The following OPN5 variants were observed in gnomAD, a reference collection of about 807,000 sequenced individuals.
OPN5 encodes opsin-5.
In OPN5, 18 loss-of-function variants were observed where a neutral mutation model predicts 41.7. That is an observed-to-expected ratio of 0.43 (90% CI 0.30 to 0.64). The LOEUF (loss-of-function observed/expected upper bound fraction) is 0.64, where lower values mean the gene tolerates loss of function less well. Ranked by LOEUF, OPN5 falls within the 30% of genes least tolerant of loss-of-function variation. The pLI, the probability that OPN5 is intolerant of heterozygous loss-of-function variation, is 0.13. For synonymous variants in OPN5, 178 were observed against 164.3 expected, an observed-to-expected ratio of 1.08 and a Z score of -0.64; for missense variants, 318 against 434.5, an observed-to-expected ratio of 0.73 and a Z score of 2.38.
chr6:47,795,723 C>A (rs1181942529), intron 4 of OPN5, among the ~76,000 whole-genome samples, 160 bp downstream of exon 4: 1 of 151,742 alleles, frequency 6.6e-6, no homozygotes, highest in Non-Finnish European at 1.5e-5. Context: ...TTTGTGGTAT[C>A]TCTCTCCTCT....
downstream of OPN5, chr6:47,825,686 A>C (rs914103658): frequency 6.6e-6 from 1 of 152,240 alleles, no homozygotes; most frequent in Non-Finnish European, 1.5e-5. Flanking sequence ...GTAGTAGCAC[A>C]TCTGGCAGGA....
intron 4 of OPN5, among the ~76,000 whole-genome samples, chr6:47,805,483 T>G (rs1348472944): frequency 6.6e-6 from 1 of 151,954 alleles, no homozygotes. Flanking sequence ...CTGAAATTCT[T>G]GGGTAGAATT....
rs188573787 is a variant in OPN5 at position 47,801,510 on chromosome 6, G to A, written c.756+5947G>A. On this transcript the variant is annotated intron_variant, in intron 4 of 6. Transcript: ENST00000371211. ...TCAGATTCAGAAGACCCCCTGTGTG[G>A]ACTCTAAGGGCAGTTCATGGGAAAG... 4.0e-3 allele frequency among the ~76,000 whole-genome samples: 611 copies of A among 152,200 alleles called. 3 individuals are homozygous for A. Among genetic ancestry groups the A allele is most frequent in the Non-Finnish European group, 6.2e-3 (425 of 68,002 alleles).
intron 6 of OPN5, among the ~76,000 whole-genome samples, chr6:47,813,328 A>G (rs1444184509): frequency 6.6e-6 from 1 of 152,204 alleles, no homozygotes; most frequent in Non-Finnish European, 1.5e-5. Flanking sequence ...CAAGTTTGAA[A>G]CATGAGGATA....
intron 6 of OPN5, among the ~76,000 whole-genome samples, chr6:47,820,956 G>A (rs1762604412): frequency 1.3e-5 from 2 of 152,164 alleles, no homozygotes; most frequent in African/African-American, 4.8e-5. Flanking sequence ...ATTATATACT[G>A]TATTCTTATA....
chr6:47,792,347 G>A (rs1773400241), intron 3 of OPN5, among the ~76,000 whole-genome samples: 1 of 152,198 alleles, frequency 6.6e-6, no homozygotes, highest in African/African-American at 2.4e-5. Context: ...GTAATTATAA[G>A]AAAAGCTGTT....
chr6:47,817,395 G>T (rs1762462017), intron 6 of OPN5, among the ~76,000 whole-genome samples: 1 of 152,038 alleles, frequency 6.6e-6, no homozygotes, highest in Admixed American at 6.6e-5. Flanking sequence ...CTCTAGTTCT[G>T]ACTTTAAATA....
At chr6:47,795,778 T>TCTCTCTCTCA (rs766899041) in intron 4 of OPN5, among the ~76,000 whole-genome samples, 111 of 142,880 alleles carry the variant, frequency 7.8e-4, no homozygotes, top group African/African-American at 2.9e-3. Flanking sequence ...TCTCTCTCTC[T>TCTCTCTCTCA]CACACACACA....
chr6:47,813,061 A>G (rs1762303582), intron 6 of OPN5, among the ~76,000 whole-genome samples: 1 of 143,190 alleles, frequency 7.0e-6, no homozygotes. Context: ...AACATGCTCT[A>G]TGATTAAAAC....
intron 6 of OPN5, among the ~76,000 whole-genome samples, chr6:47,817,523 C>G (rs546645820): frequency 6.6e-6 from 1 of 151,960 alleles, no homozygotes; most frequent in African/African-American, 2.4e-5. Context: ...TCCTTGTTAC[C>G]CAAAATGTAG....
chr6:47,795,496 C>A, exon 4 of OPN5: 1 of 1,614,124 alleles, frequency 6.2e-7, no homozygotes, highest in Non-Finnish European at 8.5e-7. Context: ...AAGTCCTCTT[C>A]CAAAGAAGTA....
At chr6:47,787,207 T>A in intron 2 of OPN5, 2 of 973,538 alleles carry the variant, frequency 2.1e-6, no homozygotes, top group Non-Finnish European at 1.2e-6. Context: ...TCACAAAATA[T>A]CATCTGGGGA....
At chr6:47,812,990 G>A (rs1321502146) in intron 6 of OPN5, among the ~76,000 whole-genome samples, 3 of 152,042 alleles carry the variant, frequency 2.0e-5, no homozygotes, top group Admixed American at 6.6e-5. Context: ...CAGGGGTGTG[G>A]GATGAGGAAT....
chr6:47,819,182 G>T (rs940499144), intron 6 of OPN5, among the ~76,000 whole-genome samples: 1 of 151,146 alleles, frequency 6.6e-6, no homozygotes, highest in African/African-American at 2.4e-5. Flanking sequence ...ATCAGAAGTG[G>T]TTAAGTAACT....
intron 2 of OPN5, among the ~76,000 whole-genome samples, chr6:47,789,256 C>T (rs1483962316): frequency 6.6e-6 from 1 of 152,122 alleles, no homozygotes; most frequent in Non-Finnish European, 1.5e-5. Context: ...AGGTATCTAC[C>T]TAAATGTCAC....
rs527939420 is a variant in OPN5, at chr6:47,786,005, T to C, written c.131-510T>C. Among the ~76,000 whole-genome samples, 10 of 152,344 alleles carry C rather than the reference T, an allele frequency of 6.6e-5. No individual in the cohort carries two copies. In the South Asian group the frequency reaches 2.1e-3, roughly 32 times the overall value. On this transcript the variant is annotated intron_variant, in intron 1 of 6. Transcript: ENST00000371211. ...CGTCTCTGGGAGATGTCCATTTTCT[T>C]GAAGGGAGTTATGCCAGTCATACCT...
At chr6:47,795,761 T>TTCTCTCTCTC (rs112984403) in intron 4 of OPN5, among the ~76,000 whole-genome samples, 198 bp downstream of exon 4, 1 of 136,884 alleles carries the variant, frequency 7.3e-6, no homozygotes, top group African/African-American at 2.7e-5. Context: ...CACTTCTCTC[T>TTCTCTCTCTC]TCTCTCTCTC....
chr6:47,795,011 T>C, intron 3 of OPN5: 1 of 478,976 alleles, frequency 2.1e-6, no homozygotes, highest in Admixed American at 3.5e-5. Context: ...AGCTCCCAGA[T>C]GCCTAGAGAA....
chr6:47,806,883 C>T lies in OPN5; in HGVS notation c.757-1271C>T, dbSNP rs542170119. On this transcript the variant is annotated intron_variant, in intron 4 of 6. Coordinates refer to ENST00000371211, the Ensembl canonical transcript of OPN5. ...TTGTAACTCTCCTCAGTAGGCCAGG[C>T]GCGATGGCTCATGCCTGTAATCCCA... is the stretch of plus-strand genomic sequence containing the variant. Among the ~76,000 whole-genome samples, 28 of 152,284 alleles carry T rather than the reference C, an allele frequency of 1.8e-4. 1 individual carries two copies. The South Asian group carries it at 4.1e-3, about 23-fold the overall frequency.
Sources: gnomAD v4.1 joint callset for allele counts (sites outside exome capture counted in the v4.1 genomes callset) on GRCh38, gnomAD v4.1.1 for gene constraint, MANE v1.5 for transcripts, NCBI Gene and HGNC (gene_info 2026-07-23, HGNC 2026-07-21) for gene names.